WDR5: variants seen among roughly 807,000 people sequenced by gnomAD.
WDR5 encodes WD repeat domain 5.
For synonymous variants in WDR5, 144 were observed against 161.6 expected (o/e 0.89, Z 0.83); for missense variants, 187 against 416.9 (o/e 0.45, Z 4.80).
rs912553587 is a variant in WDR5, at chr9:134,157,615, G to A, written c.905-278G>A. Among the ~76,000 whole-genome samples the A allele has an allele frequency of 1.3e-5, 2 of 152,178 alleles. No homozygotes were observed. Among genetic ancestry groups the A allele is most frequent in the African/African-American group, 2.4e-5 (1 of 41,448 alleles). ...GCCGAGCTGCTGTTGGTGGGGGCGT[G>A]TGGGGCTCCTGGTCTGCAGGCAGGG... On this transcript the variant is annotated intron_variant, in intron 13 of 13. Transcript: ENST00000358625. This position sits in a 1 kb window ranked among gnomAD's most constrained non-coding sequence, Gnocchi z 5.0.
At chr9:134,139,311 T>G (rs949022653) in intron 1 of WDR5, among the ~76,000 whole-genome samples, 1 of 152,204 alleles carries the variant, frequency 6.6e-6, no homozygotes, top group Non-Finnish European at 1.5e-5. Flanking sequence ...CCATGAGGCG[T>G]AGACCACTGG....
In WDR5 at chr9:134,142,531, T is replaced by C. The variant is rs1295678251; in HGVS notation, c.445-105T>C. 3 of 1,555,850 alleles carry C rather than the reference T, an allele frequency of 1.9e-6. No homozygotes were observed. The East Asian group carries it at 6.7e-5, about 35-fold the overall frequency. On this transcript the variant is annotated intron_variant, in intron 6 of 13. Transcript: ENST00000358625. ...GAAGGCAGGTGGGCCCTGAGTCCTT[T>C]CTGTGCTGTTTGTGGGGAGGATGGG...
At position 134,158,100 on chromosome 9, in the gene WDR5, C is replaced by A; in HGVS notation, c.*107C>A. On this transcript the variant is annotated 3_prime_UTR_variant, in exon 14 of 14. Transcript: ENST00000358625. ...CCAGATCTGCGCCTGGGGGTCAGGA[C>A]AGGGCCTGATTTGAGCCTCCTCTCT... 1 of 982,674 alleles carries A rather than the reference C, an allele frequency of 1.0e-6. No individual in the cohort carries two copies. Among genetic ancestry groups the A allele is most frequent in the Non-Finnish European group, 1.6e-6 (1 of 633,554 alleles). 60.9% of individuals were successfully genotyped at this position (982,674 alleles called of 1,614,324 possible).
Position 134,159,093 on chromosome 9 carries a change from C to G in WDR5, c.*1100C>G, listed in dbSNP as rs752532614. The G allele has an allele frequency of 1.3e-5, 2 of 152,274 alleles. No individual in the cohort carries two copies. Among genetic ancestry groups the G allele is most frequent in the Non-Finnish European group, 2.9e-5 (2 of 68,286 alleles). The allele number at this position is 152,274 out of a possible 1,614,324, so 9.4% of individuals were successfully genotyped here. On this transcript the variant is annotated 3_prime_UTR_variant, in exon 14 of 14. Transcript: ENST00000358625. The surrounding 1 kb of genome is among the most constrained non-coding windows in gnomAD (Gnocchi z 4.3). ...GCCTCGCCGTCCCTGCTGGAGCCCTCGCCTGCCTGCCCCTCTGCCTGTGCT... is the reference window on the plus strand; with the variant it reads ...GCCTCGCCGTCCCTGCTGGAGCCCTGGCCTGCCTGCCCCTCTGCCTGTGCT...
At chr9:134,156,431 GAT>G in intron 12 of WDR5, 73 bp from the exon 13 acceptor site, 1 of 1,462,796 alleles carries the variant, frequency 6.8e-7, no homozygotes, top group South Asian at 1.1e-5. Context: ...CATAACTGGA[GAT>G]TCTCTCCCTT....
Position 134,157,852 on chromosome 9 carries a change from C to A in WDR5, c.905-41C>A. ...TCTGGGATGGCGTCCCCGACCCAGGCGCAGGGATGGCTCTGGTTCTGACTG... is the reference window on the plus strand; with the variant it reads ...TCTGGGATGGCGTCCCCGACCCAGGAGCAGGGATGGCTCTGGTTCTGACTG... On this transcript the variant is annotated intron_variant, in intron 13 of 13. Transcript: ENST00000358625. The surrounding 1 kb of genome is among the most constrained non-coding windows in gnomAD (Gnocchi z 5.0). The A allele has an allele frequency of 1.3e-6, 2 of 1,595,444 alleles. No individual in the cohort carries two copies. Among genetic ancestry groups the A allele is most frequent in the Non-Finnish European group, 1.7e-6 (2 of 1,163,490 alleles).
At chr9:134,154,085 G>A (rs921163604) in intron 9 of WDR5, among the ~76,000 whole-genome samples, 2 of 152,176 alleles carry the variant, frequency 1.3e-5, no homozygotes, top group African/African-American at 4.8e-5. Flanking sequence ...GAGAATTTCC[G>A]AGGTGATTCC....
chr9:134,142,836 T>G, intron 7 of WDR5, 117 bp downstream of exon 7: 2 of 1,027,592 alleles, frequency 1.9e-6, no homozygotes, highest in Admixed American at 3.8e-5. Context: ...CCTAGCTGAT[T>G]CCTGCTGTCA....
In WDR5 at chr9:134,157,541, G is replaced by T. The variant is rs1246032841; in HGVS notation, c.905-352G>T. Reference sequence around the variant, plus strand: ...TGAGGGGTCTGACTGCAGTCCTTGTGCGCGCCAGCCTCTGAGCCAGTCCTG... The same window carrying T: ...TGAGGGGTCTGACTGCAGTCCTTGTTCGCGCCAGCCTCTGAGCCAGTCCTG... On this transcript the variant is annotated intron_variant, in intron 13 of 13. Transcript: ENST00000358625. This position sits in a 1 kb window ranked among gnomAD's most constrained non-coding sequence, Gnocchi z 5.0. Among the ~76,000 whole-genome samples the T allele has an allele frequency of 6.6e-6, 1 of 152,158 alleles. No individual in the cohort carries two copies. Among genetic ancestry groups the T allele is most frequent in the Non-Finnish European group, 1.5e-5 (1 of 68,022 alleles).
chr9:134,153,090 A>C (rs1238583326), intron 9 of WDR5, among the ~76,000 whole-genome samples: 1 of 152,120 alleles, frequency 6.6e-6, no homozygotes, highest in Non-Finnish European at 1.5e-5. Flanking sequence ...TTGTGGGGCC[A>C]GCCTTTTGCC....
At chr9:134,141,100 G>A (rs1009706277) in intron 3 of WDR5, among the ~76,000 whole-genome samples, 2 of 152,128 alleles carry the variant, frequency 1.3e-5, no homozygotes, top group Non-Finnish European at 2.9e-5. Flanking sequence ...TGGCCAATAT[G>A]GTGAAACCCT....
rs950186799 is a variant in WDR5 at position 134,154,726 on chromosome 9, C to T, written c.707+185C>T. On this transcript the variant is annotated intron_variant, in intron 10 of 13. Coordinates refer to ENST00000358625, the MANE Select transcript of WDR5 (RefSeq NM_017588.3). ...GGGCAGGCCCCCGTCCATCCCTTCCCGAGGCTGAACCTCAGGTCCGACTAT... is the reference window on the plus strand; with the variant it reads ...GGGCAGGCCCCCGTCCATCCCTTCCTGAGGCTGAACCTCAGGTCCGACTAT... Among the ~76,000 whole-genome samples the T allele has an allele frequency of 4.6e-5, 7 of 152,194 alleles. No individual in the cohort carries two copies. In the South Asian group the frequency reaches 8.3e-4, roughly 18 times the overall value.
chr9:134,139,413 C>T (rs117668670), intron 1 of WDR5, among the ~76,000 whole-genome samples: 7,748 of 152,318 alleles, frequency 0.051, 265 homozygotes, highest in Non-Finnish European at 0.07. Context: ...CAAATTTCTA[C>T]ACCCTGAAGC....
rs1239333481 is a variant in WDR5 at position 134,159,543 on chromosome 9, A to G, written c.*1550A>G. The stretch of plus-strand genomic sequence containing the variant: ...AGGTGGGCTCTCCTGGAGGTCCTCG[A>G]GTGGCAGGGGTGAGGAGGGGATTAT... On this transcript the variant is annotated 3_prime_UTR_variant, in exon 14 of 14. Transcript: ENST00000358625. The surrounding 1 kb of genome is among the most constrained non-coding windows in gnomAD (Gnocchi z 4.3). 1 of 152,350 alleles carries G rather than the reference A, an allele frequency of 6.6e-6. No individual in the cohort carries two copies. The highest frequency in any genetic ancestry group is 1.9e-4 in the East Asian group (1 of 5,176). 9.4% of individuals were successfully genotyped at this position (152,350 alleles called of 1,614,324 possible).
intron 2 of WDR5, 148 bp downstream of exon 2, chr9:134,140,106 G>A (rs1469498328): frequency 2.1e-6 from 2 of 933,520 alleles, no homozygotes; most frequent in African/African-American, 1.6e-5. Flanking sequence ...TCTGGCGAAT[G>A]CTTGTTGCCT....
At chr9:134,141,201 G>A (rs1831869660) in intron 3 of WDR5, among the ~76,000 whole-genome samples, 1 of 152,172 alleles carries the variant, frequency 6.6e-6, no homozygotes, top group African/African-American at 2.4e-5. Flanking sequence ...CAGGAGAATC[G>A]CTTGAACCTG....
At chr9:134,137,738 T>A (rs1356870276) in intron 1 of WDR5, among the ~76,000 whole-genome samples, 1 of 148,744 alleles carries the variant, frequency 6.7e-6, no homozygotes, top group South Asian at 2.2e-4. Flanking sequence ...TTGGTGGGTG[T>A]GTTGGGTCAA....
intron 7 of WDR5, among the ~76,000 whole-genome samples, chr9:134,145,082 G>T (rs548582016): frequency 3.3e-4 from 44 of 135,136 alleles, no homozygotes; most frequent in African/African-American, 1.2e-3. Context: ...CTGCAGAGAG[G>T]TTTGTGGGGC....
At position 134,158,081 on chromosome 9, in the gene WDR5, C is replaced by G; in HGVS notation, c.*88C>G. 3 of 1,229,916 alleles carry G rather than the reference C, an allele frequency of 2.4e-6. No homozygotes were observed. Among genetic ancestry groups the G allele is most frequent in the East Asian group, 2.4e-5 (1 of 42,544 alleles). 76.2% of individuals were successfully genotyped at this position (1,229,916 alleles called of 1,614,324 possible). ...GTGTCTTGGAGGTGGTCCCCCAGAT[C>G]TGCGCCTGGGGGTCAGGACAGGGCC... On this transcript the variant is annotated 3_prime_UTR_variant, in exon 14 of 14. Coordinates refer to ENST00000358625, the MANE Select transcript of WDR5 (RefSeq NM_017588.3).
Sources: allele counts gnomAD v4.1 joint callset (sites outside exome capture counted in the v4.1 genomes callset), GRCh38; gene constraint gnomAD v4.1.1; non-coding constraint Gnocchi (gnomAD v3.1); transcripts MANE v1.5; gene names NCBI Gene and HGNC (gene_info 2026-07-23, HGNC 2026-07-21).